The following RAB38 variants were observed in gnomAD, a reference collection of about 807,000 sequenced individuals.
RAB38 encodes RAB38, member RAS oncogene family.
Under a neutral mutation model 18.4 loss-of-function variants are expected in RAB38, and 15 were observed. The observed-to-expected ratio is 0.82, with a 90% CI of 0.55 to 1.26. The LOEUF (loss-of-function observed/expected upper bound fraction) is 1.26. Ranked by LOEUF, RAB38 falls within the 50% of genes most tolerant of loss-of-function variation. The probability of loss-of-function intolerance (pLI) is 0.00; values close to 1 mark genes in which losing one functional copy is unlikely to be tolerated. For synonymous variants in RAB38, 101 were observed against 104.4 expected (o/e 0.97, Z 0.20); for missense variants, 294 against 267.4 (o/e 1.10, Z -0.69).
chr11:88,159,230 T>A (rs911913767), intron 1 of RAB38, among the ~76,000 whole-genome samples: 1 of 131,990 alleles, frequency 7.6e-6, no homozygotes, highest in Non-Finnish European at 1.7e-5. Context: ...AATAAATAAA[T>A]AAATAAAAAT....
the RAB38 span, among the ~76,000 whole-genome samples, chr11:87,924,042 C>T: frequency 1.3e-5 from 2 of 151,542 alleles, no homozygotes; most frequent in African/African-American, 2.4e-5. Flanking sequence ...GACACACACA[C>T]ACACACACAA....
intron 2 of RAB38, among the ~76,000 whole-genome samples, chr11:88,121,783 C>T (rs947874528): frequency 6.6e-5 from 10 of 152,036 alleles, no homozygotes; most frequent in Non-Finnish European, 8.8e-5. Context: ...AGGATGCTCT[C>T]GATCTCCTGA....
the RAB38 span, among the ~76,000 whole-genome samples, chr11:87,923,957 A>G: frequency 7.8e-5 from 9 of 115,104 alleles, no homozygotes; most frequent in South Asian, 2.9e-3. Context: ...TCAAAGAGAA[A>G]ATTGAAAAAA....
the RAB38 span, among the ~76,000 whole-genome samples, chr11:88,022,220 C>G: frequency 6.6e-6 from 1 of 150,474 alleles, no homozygotes; most frequent in South Asian, 2.1e-4. Flanking sequence ...TAGATCATAT[C>G]AACAGAATGA....
At chr11:88,031,559 A>G in the RAB38 span, among the ~76,000 whole-genome samples, 1 of 151,986 alleles carries the variant, frequency 6.6e-6, no homozygotes, top group Non-Finnish European at 1.5e-5. Flanking sequence ...ATGTACAAAA[A>G]TCACAAGCAT....
chr11:88,115,170 T>C (rs1942532008), intron 2 of RAB38, among the ~76,000 whole-genome samples: 1 of 152,162 alleles, frequency 6.6e-6, no homozygotes, highest in Admixed American at 6.6e-5. Flanking sequence ...AGGTAAAAAG[T>C]AGTTAAAGAT....
the RAB38 span, among the ~76,000 whole-genome samples, chr11:88,004,747 C>T: frequency 2.6e-5 from 4 of 151,284 alleles, no homozygotes; most frequent in East Asian, 7.7e-4. Flanking sequence ...CAAGTAAACT[C>T]AAAGGAAATA....
intron 2 of RAB38, among the ~76,000 whole-genome samples, chr11:88,117,108 G>C (rs1942564362): frequency 6.6e-6 from 1 of 152,178 alleles, no homozygotes; most frequent in Non-Finnish European, 1.5e-5. Context: ...ATGGGCTCTA[G>C]AGAAAGGAAA....
the RAB38 span, among the ~76,000 whole-genome samples, chr11:87,949,375 G>A: frequency 6.6e-6 from 1 of 152,016 alleles, no homozygotes; most frequent in Non-Finnish European, 1.5e-5. Flanking sequence ...AGGGTTTTTT[G>A]TGTCTCTATT....
chr11:87,813,933 T>G, the RAB38 span, among the ~76,000 whole-genome samples: 1 of 152,178 alleles, frequency 6.6e-6, no homozygotes, highest in Admixed American at 6.5e-5. Context: ...TGAGCTGCAT[T>G]TGTGCATGCT....
chr11:88,115,801 A>C (rs919548246), intron 2 of RAB38: 2 of 152,188 alleles, frequency 1.3e-5, no homozygotes, highest in African/African-American at 4.8e-5. Context: ...TATTGCTTTC[A>C]CAATGTGAAC....
chr11:87,842,773 C>T, the RAB38 span, among the ~76,000 whole-genome samples: 2 of 151,702 alleles, frequency 1.3e-5, no homozygotes, highest in South Asian at 4.2e-4. Context: ...CATGCGCACA[C>T]ATACACACAT....
At chr11:87,859,009 T>TAAAG in the RAB38 span, among the ~76,000 whole-genome samples, 1 of 149,512 alleles carries the variant, frequency 6.7e-6, no homozygotes, top group Admixed American at 6.7e-5. Context: ...AATAAAAATA[T>TAAAG]AAAGAAGAAC....
chr11:88,175,091 T>G, intron 1 of RAB38, 92 bp downstream of exon 1: 1 of 1,378,774 alleles, frequency 7.3e-7, no homozygotes, highest in Non-Finnish European at 9.6e-7. Flanking sequence ...CCTAGTGATT[T>G]TAATCTCACG....
chr11:88,124,556 AG>A (rs1942669726), intron 2 of RAB38, among the ~76,000 whole-genome samples: 1 of 152,232 alleles, frequency 6.6e-6, no homozygotes, highest in South Asian at 2.1e-4. Flanking sequence ...GAGAGATACT[AG>A]CTAACTACCA....
chr11:87,896,145 G>T, the RAB38 span, among the ~76,000 whole-genome samples: 1 of 151,686 alleles, frequency 6.6e-6, no homozygotes, highest in African/African-American at 2.4e-5. Flanking sequence ...GGGAATGATA[G>T]ACAGAAGTCA....
the RAB38 span, among the ~76,000 whole-genome samples, chr11:87,895,289 T>C: frequency 6.6e-6 from 1 of 151,566 alleles, no homozygotes; most frequent in African/African-American, 2.4e-5. Context: ...CACTTAAAAA[T>C]AGCTTTTCTC....
intron 2 of RAB38, 36 bp downstream of exon 2, chr11:88,149,639 T>C (rs541415439): frequency 6.4e-7 from 1 of 1,568,706 alleles, no homozygotes; most frequent in Non-Finnish European, 8.7e-7. Context: ...TTGTGAACCT[T>C]GCTTATATTA....
chr11:88,087,037 T>A, the RAB38 span, among the ~76,000 whole-genome samples: 1 of 152,018 alleles, frequency 6.6e-6, no homozygotes, highest in African/African-American at 2.4e-5. Flanking sequence ...TCAATACAAC[T>A]AAGAATTAAC....
Sources: gnomAD v4.1 joint callset for allele counts (sites outside exome capture counted in the v4.1 genomes callset) on GRCh38, gnomAD v4.1.1 for gene constraint, MANE v1.5 for transcripts, NCBI Gene and HGNC (gene_info 2026-07-23, HGNC 2026-07-21) for gene names.